ACBD6: variants seen among roughly 807,000 people sequenced by gnomAD.
ACBD6 encodes acyl-CoA-binding domain-containing protein 6.
ACBD6 carries 28 observed loss-of-function variants against 37.2 expected under a neutral mutation model. That is an observed-to-expected ratio of 0.75 (90% CI 0.56 to 1.03). ACBD6 has a LOEUF of 1.03. Among genes scored for constraint, ACBD6 ranks in the 50% least tolerant of loss-of-function variants. The probability of loss-of-function intolerance (pLI) is 0.00; values close to 1 mark genes in which losing one functional copy is unlikely to be tolerated. For synonymous variants in ACBD6, 113 were observed against 126.8 expected (o/e 0.89, Z 0.73); for missense variants, 340 against 337.4 (o/e 1.01, Z -0.06).
chr1:180,363,631 A>G (rs1652926326), intron 6 of ACBD6, among the ~76,000 whole-genome samples: 1 of 152,198 alleles, frequency 6.6e-6, no homozygotes, highest in Non-Finnish European at 1.5e-5. Flanking sequence ...GATGGGTCTA[A>G]TCAAATCACT....
intron 6 of ACBD6, among the ~76,000 whole-genome samples, chr1:180,315,845 A>G (rs1280960296): frequency 6.6e-6 from 1 of 152,132 alleles, no homozygotes; most frequent in Non-Finnish European, 1.5e-5. Flanking sequence ...TGCTTATTAC[A>G]TGGGAGAGAG....
chr1:180,385,566 G>C (rs139774747), intron 6 of ACBD6, among the ~76,000 whole-genome samples: 495 of 151,818 alleles, frequency 3.3e-3, no homozygotes, highest in African/African-American at 0.011. Flanking sequence ...AGCTAATTAA[G>C]GTCAAATTAG....
chr1:180,434,301 G>A (rs933895886), intron 3 of ACBD6, among the ~76,000 whole-genome samples: 3 of 152,158 alleles, frequency 2.0e-5, no homozygotes, highest in Non-Finnish European at 2.9e-5. Flanking sequence ...ACAGAGAGCA[G>A]ACCCTGGAAG....
chr1:180,426,245 T>C (rs146350940), intron 4 of ACBD6, among the ~76,000 whole-genome samples: 2 of 152,364 alleles, frequency 1.3e-5, no homozygotes, highest in African/African-American at 4.8e-5. Flanking sequence ...GACATCAAAC[T>C]ACAAAATATA....
rs1649013754 is a variant in ACBD6 at position 180,435,797 on chromosome 1, A to G, written c.385-5535T>C. 1.1e-5 allele frequency: 10 copies of G among 925,146 alleles called. No individual in the cohort carries two copies. The East Asian group carries it at 2.2e-4, about 20-fold the overall frequency. The allele number at this position is 925,146 out of a possible 1,614,324, so 57.3% of individuals were successfully genotyped here. The stretch of plus-strand genomic sequence containing the variant: ...TGACTCTGACAGCTGCTTCTCGGCT[A>G]AAGTGAATAACTCCAGCCTGATGGG... On this transcript the variant is annotated intron_variant, in intron 3 of 7. Transcript: ENST00000367595.
chr1:180,454,005 A>G (rs1394093216), intron 3 of ACBD6, among the ~76,000 whole-genome samples: 1 of 152,232 alleles, frequency 6.6e-6, no homozygotes, highest in African/African-American at 2.4e-5. Flanking sequence ...GACTTTCTTC[A>G]AAGAATTAGA....
intron 6 of ACBD6, among the ~76,000 whole-genome samples, chr1:180,392,147 A>G (rs1441006521): frequency 6.6e-6 from 1 of 152,156 alleles, no homozygotes; most frequent in African/African-American, 2.4e-5. Context: ...TCAGGGTGGA[A>G]GTGAAGGATG....
chr1:180,356,998 T>C (rs184742299), intron 6 of ACBD6, among the ~76,000 whole-genome samples: 9 of 152,270 alleles, frequency 5.9e-5, no homozygotes, highest in Non-Finnish European at 4.4e-5. Context: ...AAGAGAAGAT[T>C]ACATTATTTG....
chr1:180,358,705 C>T (rs1652728169), intron 6 of ACBD6, among the ~76,000 whole-genome samples: 1 of 152,072 alleles, frequency 6.6e-6, no homozygotes. Flanking sequence ...TAGCAGACTG[C>T]AGGTTTTATA....
chr1:180,384,302 AAT>A (rs1396020078), intron 6 of ACBD6, among the ~76,000 whole-genome samples: 6 of 152,194 alleles, frequency 3.9e-5, no homozygotes, highest in Admixed American at 2.6e-4. Context: ...CAAACCATTC[AAT>A]AGTTAAAAAA....
At chr1:180,412,898 A>C (rs1459626978) in intron 5 of ACBD6, among the ~76,000 whole-genome samples, 1 of 152,162 alleles carries the variant, frequency 6.6e-6, no homozygotes, top group Non-Finnish European at 1.5e-5. Flanking sequence ...ATATTTTATA[A>C]AATAATTTAC....
chr1:180,380,967 C>A (rs1383390443), intron 6 of ACBD6, among the ~76,000 whole-genome samples: 1 of 151,944 alleles, frequency 6.6e-6, no homozygotes, highest in South Asian at 2.1e-4. Flanking sequence ...ATACTGCCTA[C>A]GAGAAACTCA....
At chr1:180,443,282 A>T (rs934109260) in intron 3 of ACBD6, among the ~76,000 whole-genome samples, 4 of 152,100 alleles carry the variant, frequency 2.6e-5, no homozygotes, top group Non-Finnish European at 4.4e-5. Context: ...CACATATTAC[A>T]TTTTCATTCT....
chr1:180,409,061 T>A (rs915949106), intron 5 of ACBD6, among the ~76,000 whole-genome samples: 1 of 151,762 alleles, frequency 6.6e-6, no homozygotes, highest in African/African-American at 2.4e-5. Context: ...GGGGCTGAGG[T>A]GGGAGGATCG....
chr1:180,361,521 G>T (rs974234386), intron 6 of ACBD6, among the ~76,000 whole-genome samples: 1 of 152,116 alleles, frequency 6.6e-6, no homozygotes, highest in Non-Finnish European at 1.5e-5. Flanking sequence ...GTAATGATTA[G>T]TAATTCTATA....
intron 6 of ACBD6, among the ~76,000 whole-genome samples, chr1:180,318,915 G>A (rs901697184): frequency 2.0e-5 from 3 of 152,116 alleles, no homozygotes; most frequent in Admixed American, 6.5e-5. Flanking sequence ...TTTTAGCTAT[G>A]CTTATTTTGG....
At chr1:180,301,858 G>C (rs933353465) in intron 7 of ACBD6, among the ~76,000 whole-genome samples, 22 of 152,120 alleles carry the variant, frequency 1.4e-4, no homozygotes, top group African/African-American at 5.3e-4. Flanking sequence ...CACTGTAATA[G>C]CAACAGGAGT....
chr1:180,323,787 C>T (rs566490119), intron 6 of ACBD6, among the ~76,000 whole-genome samples: 22 of 151,878 alleles, frequency 1.4e-4, no homozygotes, highest in African/African-American at 5.3e-4. Flanking sequence ...CTGTGTGTAA[C>T]TTTATAGGTG....
intron 6 of ACBD6, among the ~76,000 whole-genome samples, chr1:180,365,884 GC>G (rs1653035840): frequency 6.6e-6 from 1 of 151,652 alleles, no homozygotes; most frequent in Non-Finnish European, 1.5e-5. Context: ...CATCTTTCAG[GC>G]ATTAATCACT....
Sources: allele counts gnomAD v4.1 joint callset (sites outside exome capture counted in the v4.1 genomes callset), GRCh38; gene constraint gnomAD v4.1.1; transcripts MANE v1.5; gene names NCBI Gene and HGNC (gene_info 2026-07-23, HGNC 2026-07-21).